Variants in SSH3 observed in about 807,000 individuals in gnomAD.
SSH3 encodes the protein protein phosphatase Slingshot homolog 3.
In SSH3, 67 loss-of-function variants were observed where a neutral mutation model predicts 75.0. That is an observed-to-expected ratio of 0.89 (90% CI 0.73 to 1.10). The LOEUF (loss-of-function observed/expected upper bound fraction) is 1.10, where lower values mean the gene tolerates loss of function less well. Ranked by LOEUF, SSH3 falls within the 50% of genes least tolerant of loss-of-function variation. The probability of loss-of-function intolerance (pLI) is 0.00; values close to 1 mark genes in which losing one functional copy is unlikely to be tolerated. For synonymous variants in SSH3, 318 were observed against 349.2 expected, an observed-to-expected ratio of 0.91 and a Z score of 1.00; for missense variants, 824 against 872.7, an observed-to-expected ratio of 0.94 and a Z score of 0.70.
chr11:67,308,528 A>G lies in SSH3; in HGVS notation c.1061+70A>G. ...TCCTGGCCTCCCCGCATTGGGTGGT[A>G]GCCAGCTTCAAAAACCCCTGGACCA... is the stretch of plus-strand genomic sequence containing the variant. On this transcript the variant is annotated intron_variant, in intron 10 of 13. Coordinates refer to ENST00000308127, the MANE Select transcript of SSH3 (RefSeq NM_017857.4). This position sits in a 1 kb window ranked among gnomAD's most constrained non-coding sequence, Gnocchi z 4.9. 1 of 1,538,408 alleles carries G rather than the reference A, an allele frequency of 6.5e-7. No homozygotes were observed. Among genetic ancestry groups the G allele is most frequent in the Non-Finnish European group, 8.8e-7 (1 of 1,138,066 alleles).
chr11:67,307,483 G>A lies in SSH3; in HGVS notation c.602+47G>A, dbSNP rs1454446178. On this transcript the variant is annotated intron_variant, in intron 6 of 13. Transcript: ENST00000308127. This position sits in a 1 kb window ranked among gnomAD's most constrained non-coding sequence, Gnocchi z 4.2. ...ACTCAGGCCAGCCTCTCCTTCGAAG[G>A]AGGCTGCAGGGCCTGGGGAAGGGCA... is the stretch of plus-strand genomic sequence containing the variant. 1.9e-6 allele frequency: 3 copies of A among 1,613,538 alleles called. No homozygotes were observed. Among genetic ancestry groups the A allele is most frequent in the Non-Finnish European group, 2.5e-6 (3 of 1,179,868 alleles).
intron 13 of SSH3, 64 bp downstream of exon 13, chr11:67,310,403 A>G: frequency 6.5e-7 from 1 of 1,541,902 alleles, no homozygotes. Flanking sequence ...GAGATGGGGA[A>G]AGACCAGGAT....
intron 1 of SSH3, 146 bp downstream of exon 1, chr11:67,303,837 GTC>G (rs889794547): frequency 2.3e-6 from 2 of 876,152 alleles, no homozygotes; most frequent in Non-Finnish European, 1.6e-6. Context: ...GGCCTCGAGG[GTC>G]TCTGGTACTG....
chr11:67,305,118 C>A, intron 3 of SSH3, 111 bp downstream of exon 3: 1 of 1,048,262 alleles, frequency 9.5e-7, no homozygotes, highest in Non-Finnish European at 1.4e-6. Flanking sequence ...GGGCAGGGGG[C>A]AGCCTGGGGA....
chr11:67,309,804 G>T lies in SSH3; in HGVS notation c.1245G>T (p.Met415Ile). The change falls in exon 12 of 14, where the codon ATG becomes ATT. Residue 415 changes from methionine (M) to isoleucine (I), a missense_variant. Met to Ile is a conservative substitution (Grantham distance 10). Transcript: ENST00000308127. Reference sequence around the variant, plus strand: ...CCCACGTGCTGGTCCACTGCAAGATGGGCGTCAGCCGCTCAGCGGCCACAG... The same window carrying T: ...CCCACGTGCTGGTCCACTGCAAGATTGGCGTCAGCCGCTCAGCGGCCACAG... Reference protein sequence around the residue: ...QGTHVLVHCKMGVSRSAATVL... With the variant: ...QGTHVLVHCKIGVSRSAATVL... 1 of 1,613,316 alleles carries T rather than the reference G, an allele frequency of 6.2e-7. No homozygotes were observed. The highest frequency in any genetic ancestry group is 8.5e-7 in the Non-Finnish European group (1 of 1,180,030).
Position 67,303,641 on chromosome 11 carries a change from G to A in SSH3, c.16G>A (p.Val6Met). 6.6e-7 allele frequency: 1 copy of A among 1,515,294 alleles called. No individual in the cohort carries two copies. Among genetic ancestry groups the A allele is most frequent in the Non-Finnish European group, 8.8e-7 (1 of 1,138,300 alleles). The allele number at this position is 1,515,294 out of a possible 1,614,324, so 93.9% of individuals were successfully genotyped here. A position where few individuals can be genotyped will look rare whatever the true frequency, so the allele number is the denominator to read the frequency against. ...GCCTGGCTCCATGGCCCTGGTCACA[G>A]TGAGCCGTTCGCCCCCGGGCAGCGG... MALVT[V>M]SRSPPGSGAS... The change falls in exon 1 of 14, where the codon GTG (valine) becomes ATG (methionine). Residue 6 changes from valine (V) to methionine (M), a missense_variant. Coordinates refer to ENST00000308127, the MANE Select transcript of SSH3 (RefSeq NM_017857.4).
chr11:67,306,834 C>A lies in SSH3; in HGVS notation c.340-4C>A, dbSNP rs190798920. The A allele has an allele frequency of 5.0e-6, 8 of 1,608,078 alleles. No homozygotes were observed. Among genetic ancestry groups the A allele is most frequent in the East Asian group, 2.2e-5 (1 of 44,768 alleles). On this transcript the variant is annotated splice_polypyrimidine_tract_variant and splice_region_variant and intron_variant, in intron 3 of 13. Coordinates refer to ENST00000308127, the MANE Select transcript of SSH3 (RefSeq NM_017857.4). ...GTGACCCTGGGTTCCTCATCTCCCCCCAGGCAGCCCAGCTGGAGGCACCCC... is the reference window on the plus strand; with the variant it reads ...GTGACCCTGGGTTCCTCATCTCCCCACAGGCAGCCCAGCTGGAGGCACCCC...
Position 67,308,403 on chromosome 11 carries a change from C to T in SSH3, c.1015-9C>T, listed in dbSNP as rs1439922153. 6.2e-7 allele frequency: 1 copy of T among 1,613,074 alleles called. No individual in the cohort carries two copies. On this transcript the variant is annotated splice_polypyrimidine_tract_variant and intron_variant, in intron 9 of 13. Transcript: ENST00000308127. The surrounding 1 kb of genome is among the most constrained non-coding windows in gnomAD (Gnocchi z 4.9). ...GGAGAGGAGAAATGTGCTGTTCCCT[C>T]TCTCCCAGGGCTCAGAGTGGAACGC...
Position 67,308,223 on chromosome 11 carries a change from G to A in SSH3, c.935G>A (p.Arg312His), listed in dbSNP as rs200430843. ...LRLGLPLQQY[R>H]DFIDNQMLLL... The stretch of plus-strand genomic sequence containing the variant: ...CTGGGGCTCCCCCTCCAGCAGTACC[G>A]TGACTTCATCGACAACCAGATGCTG... Residue 312 changes from arginine (R) to histidine (H), a missense_variant, in exon 9 of 14, where the codon CGT (arginine) becomes CAT (histidine). Coordinates refer to ENST00000308127, the MANE Select transcript of SSH3 (RefSeq NM_017857.4). This position sits in a 1 kb window ranked among gnomAD's most constrained non-coding sequence, Gnocchi z 4.9. The A allele has an allele frequency of 3.6e-4, 588 of 1,614,092 alleles. No individual in the cohort carries two copies. The highest frequency in any genetic ancestry group is 2.0e-3 in the Admixed American group (118 of 60,028).
In SSH3 at chr11:67,308,128, G is replaced by C; in HGVS notation, c.886-46G>C. 1 of 1,597,006 alleles carries C rather than the reference G, an allele frequency of 6.3e-7. No homozygotes were observed. Among genetic ancestry groups the C allele is most frequent in the Non-Finnish European group, 8.5e-7 (1 of 1,171,882 alleles). On this transcript the variant is annotated intron_variant, in intron 8 of 13. Coordinates refer to ENST00000308127, the MANE Select transcript of SSH3 (RefSeq NM_017857.4). The surrounding 1 kb of genome is among the most constrained non-coding windows in gnomAD (Gnocchi z 4.9). The stretch of plus-strand genomic sequence containing the variant: ...TCCCAGAGGGAAGGTGGCAGGTTGG[G>C]CACTAGGAGAGCCCCAGCCTCTCTT...
rs1405629854 is a variant in SSH3 at position 67,308,792 on chromosome 11, G to A, written c.1061+334G>A. Among the ~76,000 whole-genome samples, 2 of 152,006 alleles carry A rather than the reference G, an allele frequency of 1.3e-5. No individual in the cohort carries two copies. The highest frequency in any genetic ancestry group is 4.8e-5 in the African/African-American group (2 of 41,384). ...AAAGGCTCCTCTTGAATGCGCCTGT[G>A]GGCCCAGCTACTTGGGAGGCTGAGG... On this transcript the variant is annotated intron_variant, in intron 10 of 13. Coordinates refer to ENST00000308127, the MANE Select transcript of SSH3 (RefSeq NM_017857.4). The surrounding 1 kb of genome is among the most constrained non-coding windows in gnomAD (Gnocchi z 4.9).
In SSH3 at chr11:67,307,085, G is replaced by A; in HGVS notation, c.508G>A (p.Asp170Asn). 1 of 1,614,012 alleles carries A rather than the reference G, an allele frequency of 6.2e-7. No homozygotes were observed. Among genetic ancestry groups the A allele is most frequent in the Admixed American group, 1.7e-5 (1 of 60,018 alleles). Residue 170 changes from aspartate to asparagine, a missense_variant, in exon 5 of 14, where the codon GAC becomes AAC. Asp to Asn is a conservative substitution (Grantham distance 23). Coordinates refer to ENST00000308127, the MANE Select transcript of SSH3 (RefSeq NM_017857.4). The surrounding 1 kb of genome is among the most constrained non-coding windows in gnomAD (Gnocchi z 4.2). Reference protein sequence around the residue: ...TLGLVLPLWSDTQVYLDGDGG... With the variant: ...TLGLVLPLWSNTQVYLDGDGG... ...GGGCCTGGTCTTGCCCCTCTGGAGT[G>A]ACACCCAGGTGTACTTAGATGGAGA...
In SSH3 at chr11:67,309,927, C is replaced by T. The variant is rs759358244; in HGVS notation, c.1368C>T (p.Phe456=). 3.1e-6 allele frequency: 5 copies of T among 1,610,894 alleles called. No homozygotes were observed. Among genetic ancestry groups the T allele is most frequent in the Non-Finnish European group, 4.2e-6 (5 of 1,179,988 alleles). Reference sequence around the variant, plus strand: ...CCATCGCCCGCCCCAACCCTGGCTTCCTGCGCCAGCTGCAGATCTACCAGG... The same window carrying T: ...CCATCGCCCGCCCCAACCCTGGCTTTCTGCGCCAGCTGCAGATCTACCAGG... ...LRPIARPNPG[F]LRQLQIYQGI... is the part of the protein sequence containing the mutation. The change falls in exon 12 of 14, where the codon TTC becomes TTT. Residue 456 remains phenylalanine (F), a synonymous_variant. Transcript: ENST00000308127.
rs1314789910 is a variant in SSH3, at chr11:67,311,715, T to C, written c.1808T>C (p.Val603Ala). 9 of 1,613,870 alleles carry C rather than the reference T, an allele frequency of 5.6e-6. No individual in the cohort carries two copies. In the African/African-American group the frequency reaches 1.2e-4, roughly 22 times the overall value. ...CCTGCCCTGAAGTCCCGCCAGTCAG[T>C]GGTTACCCTCCAGGGCAGTGCCGTG... Reference protein sequence around the residue: ...PQPALKSRQSVVTLQGSAVVA... With the variant: ...PQPALKSRQSAVTLQGSAVVA... The change falls in exon 14 of 14, where the codon GTG becomes GCG. Residue 603 changes from valine (V) to alanine (A), a missense_variant. Val to Ala is a moderately conservative substitution (Grantham distance 64, BLOSUM62 0). Coordinates refer to ENST00000308127, the MANE Select transcript of SSH3 (RefSeq NM_017857.4).
At position 67,303,542 on chromosome 11, in the gene SSH3, T is replaced by C; in HGVS notation, c.-84T>C. 1 of 1,385,030 alleles carries C rather than the reference T, an allele frequency of 7.2e-7. No homozygotes were observed. Among genetic ancestry groups the C allele is most frequent in the Non-Finnish European group, 9.7e-7 (1 of 1,034,298 alleles). 85.8% of individuals were successfully genotyped at this position (1,385,030 alleles called of 1,614,324 possible). ...CCCGGGTGGCGCCGTCCGTCCTTCCTGGTCCTGCGGGTCCAGGACTGTCCG... is the reference window on the plus strand; with the variant it reads ...CCCGGGTGGCGCCGTCCGTCCTTCCCGGTCCTGCGGGTCCAGGACTGTCCG... On this transcript the variant is annotated 5_prime_UTR_variant, in exon 1 of 14. Transcript: ENST00000308127.
chr11:67,312,584 AT>A lies in SSH3; in HGVS notation c.*701del, dbSNP rs1861436588. 1 of 151,918 alleles carries A rather than the reference AT, an allele frequency of 6.6e-6. No homozygotes were observed. Among genetic ancestry groups the A allele is most frequent in the African/African-American group, 2.4e-5 (1 of 41,300 alleles). 9.4% of individuals were successfully genotyped at this position (151,918 alleles called of 1,614,324 possible). A position where few individuals can be genotyped will look rare whatever the true frequency, so the allele number is the denominator to read the frequency against. On this transcript the variant is annotated 3_prime_UTR_variant, in exon 14 of 14. Transcript: ENST00000308127. ...GGCTTTGTACTGAGAAATAAAACACATTTTCATATTTGGTTATTTTCAATGT... is the reference window on the plus strand; with the variant it reads ...GGCTTTGTACTGAGAAATAAAACACATTTCATATTTGGTTATTTTCAATGT...
intron 13 of SSH3, among the ~76,000 whole-genome samples, chr11:67,310,683 G>A (rs1052233742): frequency 1.3e-5 from 2 of 152,140 alleles, no homozygotes; most frequent in African/African-American, 4.8e-5. Context: ...CGGGGGCAGG[G>A]CAGGAAGCAG....
At position 67,307,217 on chromosome 11, in the gene SSH3, A is replaced by C. The variant is rs921938719; in HGVS notation, c.536+104A>C. The C allele has an allele frequency of 1.1e-5, 17 of 1,559,990 alleles. No homozygotes were observed. Among genetic ancestry groups the C allele is most frequent in the Non-Finnish European group, 1.4e-5 (16 of 1,153,464 alleles). On this transcript the variant is annotated intron_variant, in intron 5 of 13. Coordinates refer to ENST00000308127, the MANE Select transcript of SSH3 (RefSeq NM_017857.4). The surrounding 1 kb of genome is among the most constrained non-coding windows in gnomAD (Gnocchi z 4.2). The stretch of plus-strand genomic sequence containing the variant: ...GGGTACAGTAGAACTTTAGGCTGGG[A>C]CTCTGGGGCCTGCTCCCAGCTCCAC...
Position 67,308,624 on chromosome 11 carries a change from G to A in SSH3, c.1061+166G>A, listed in dbSNP as rs1020454894. Among the ~76,000 whole-genome samples the A allele has an allele frequency of 3.3e-5, 5 of 152,238 alleles. No individual in the cohort carries two copies. Among genetic ancestry groups the A allele is most frequent in the Middle Eastern group, 3.4e-3 (1 of 294 alleles). ...TTGCCCTGGTGTGGGCTCCCAGGTG[G>A]GGACAGGAGACCTGCTGGCCAGCCC... On this transcript the variant is annotated intron_variant, in intron 10 of 13. Transcript: ENST00000308127. This position sits in a 1 kb window ranked among gnomAD's most constrained non-coding sequence, Gnocchi z 4.9.
Sources: allele counts gnomAD v4.1 joint callset (sites outside exome capture counted in the v4.1 genomes callset), GRCh38; gene constraint gnomAD v4.1.1; non-coding constraint Gnocchi (gnomAD v3.1); transcripts MANE v1.5; gene names NCBI Gene and HGNC (gene_info 2026-07-23, HGNC 2026-07-21).